The following SMIM38 variants were observed in gnomAD, a reference collection of about 807,000 sequenced individuals.
SMIM38 encodes small integral membrane protein 38.
chr11:69,162,331 CTT>C lies in SMIM38; in HGVS notation c.*4236_*4237del, dbSNP rs1857060823. The C allele has an allele frequency of 6.6e-6, 1 of 152,122 alleles. No homozygotes were observed. Among genetic ancestry groups the C allele is most frequent in the Non-Finnish European group, 1.5e-5 (1 of 68,036 alleles). 9.4% of individuals were successfully genotyped at this position (152,122 alleles called of 1,614,324 possible). A position where few individuals can be genotyped will look rare whatever the true frequency, so the allele number is the denominator to read the frequency against. Reference sequence around the variant, plus strand: ...TAAAATGCGTACTGGCTATTGAAGACTTGGCACAGAAAAATAATGTAAAATCT... The same window carrying C: ...TAAAATGCGTACTGGCTATTGAAGACGGCACAGAAAAATAATGTAAAATCT... On this transcript the variant is annotated 3_prime_UTR_variant, in exon 3 of 3. Transcript: ENST00000686237.
rs542918180 is a variant in SMIM38, at chr11:69,156,121, T to C, written c.-674+7T>C. 3 of 152,314 alleles carry C rather than the reference T, an allele frequency of 2.0e-5. No individual in the cohort carries two copies. The highest frequency in any genetic ancestry group is 4.4e-5 in the Non-Finnish European group (3 of 68,100). 9.4% of individuals were successfully genotyped at this position (152,314 alleles called of 1,614,324 possible). A position where few individuals can be genotyped will look rare whatever the true frequency, so the allele number is the denominator to read the frequency against. The stretch of plus-strand genomic sequence containing the variant: ...AGGCGGTGCCCGGCCCAAGGTGAGT[T>C]GGCATCATGCTCCACTTCCCGTTTG... On this transcript the variant is annotated splice_region_variant and intron_variant, in intron 1 of 2. Coordinates refer to ENST00000686237, the MANE Select transcript of SMIM38 (RefSeq NM_001369201.2).
Position 69,159,506 on chromosome 11 carries a change from A to C in SMIM38, c.*1410A>C, listed in dbSNP as rs1489156407. ...TACAGACACGGGGGTGCTGGTGAGC[A>C]GGAGCCGAGACCATCTGGGGTGGGA... On this transcript the variant is annotated 3_prime_UTR_variant, in exon 3 of 3. Transcript: ENST00000686237. The C allele has an allele frequency of 6.6e-6, 1 of 151,726 alleles. No homozygotes were observed. The highest frequency in any genetic ancestry group is 1.5e-5 in the Non-Finnish European group (1 of 68,058). The allele number at this position is 151,726 out of a possible 1,614,324, so 9.4% of individuals were successfully genotyped here.
At position 69,159,223 on chromosome 11, in the gene SMIM38, A is replaced by T. The variant is rs1022654729; in HGVS notation, c.*1221A>T. The T allele has an allele frequency of 3.9e-5, 6 of 152,136 alleles. No homozygotes were observed. The highest frequency in any genetic ancestry group is 1.4e-4 in the African/African-American group (6 of 41,406). 9.4% of individuals were successfully genotyped at this position (152,136 alleles called of 1,614,324 possible). A position where few individuals can be genotyped will look rare whatever the true frequency, so the allele number is the denominator to read the frequency against. On this transcript the variant is annotated 3_prime_UTR_variant, in exon 2 of 3. Coordinates refer to ENST00000686237, the MANE Select transcript of SMIM38 (RefSeq NM_001369201.2). ...AAAGGACTTGGGGGCGTCCAGCAAG[A>T]GCAGGAGCTTAGATGGTGGTTCCAG...
rs1024359938 is a variant in SMIM38, at chr11:69,161,198, A to G, written c.*3102A>G. The G allele has an allele frequency of 3.9e-5, 6 of 152,234 alleles. No individual in the cohort carries two copies. The highest frequency in any genetic ancestry group is 8.8e-5 in the Non-Finnish European group (6 of 68,030). The allele number at this position is 152,234 out of a possible 1,614,324, so 9.4% of individuals were successfully genotyped here. Reference sequence around the variant, plus strand: ...CCAGATACCCTTAGTTTTCCATCTCATAAGCCAGAATGATGTCACGTGGCA... The same window carrying G: ...CCAGATACCCTTAGTTTTCCATCTCGTAAGCCAGAATGATGTCACGTGGCA... On this transcript the variant is annotated 3_prime_UTR_variant, in exon 3 of 3. Transcript: ENST00000686237.
Position 69,156,645 on chromosome 11 carries a change from A to G in SMIM38, c.-673-529A>G, listed in dbSNP as rs550688428. Among the ~76,000 whole-genome samples the G allele has an allele frequency of 2.0e-4, 30 of 152,200 alleles. No individual in the cohort carries two copies. The East Asian group carries it at 5.2e-3, about 27-fold the overall frequency. Reference sequence around the variant, plus strand: ...GGCAGTCAGAGAAGGCTGGGCAGACACTGTTATTTCAGAAAAGATGTGGAG... The same window carrying G: ...GGCAGTCAGAGAAGGCTGGGCAGACGCTGTTATTTCAGAAAAGATGTGGAG... On this transcript the variant is annotated intron_variant, in intron 1 of 2. Coordinates refer to ENST00000686237, the MANE Select transcript of SMIM38 (RefSeq NM_001369201.2).
At chr11:69,155,621 G>A (rs936026648), upstream of SMIM38, 1 of 152,222 alleles carries the variant, frequency 6.6e-6, no homozygotes, top group African/African-American at 2.4e-5. Context: ...TGAGCTGAGC[G>A]CCTCTGGCCG....
intron 1 of SMIM38, among the ~76,000 whole-genome samples, chr11:69,156,558 G>A (rs1856989198): frequency 1.3e-5 from 2 of 150,964 alleles, no homozygotes; most frequent in Non-Finnish European, 3.0e-5. Flanking sequence ...ACACGTGTGA[G>A]TCTGTGTGCA....
intron 1 of SMIM38, among the ~76,000 whole-genome samples, chr11:69,156,628 G>T (rs564877156): frequency 6.6e-6 from 1 of 152,256 alleles, no homozygotes; most frequent in South Asian, 2.1e-4. Context: ...GTGGCAGTCA[G>T]AGAAGGCTGG....
rs900733213 is a variant in SMIM38 at position 69,159,286 on chromosome 11, G to A, written c.*1284G>A. ...TGACTGGGACGAGTGGACCCCCAGG[G>A]TGGGCATGGAGTGGGGCACTGGCTG... is the stretch of plus-strand genomic sequence containing the variant. On this transcript the variant is annotated 3_prime_UTR_variant, in exon 2 of 3. Coordinates refer to ENST00000686237, the MANE Select transcript of SMIM38 (RefSeq NM_001369201.2). 1 of 152,408 alleles carries A rather than the reference G, an allele frequency of 6.6e-6. No individual in the cohort carries two copies. The highest frequency in any genetic ancestry group is 2.4e-5 in the African/African-American group (1 of 41,448). 9.4% of individuals were successfully genotyped at this position (152,408 alleles called of 1,614,324 possible).
rs149961742 is a variant in SMIM38 at position 69,158,049 on chromosome 11, C to T, written c.*47C>T. The T allele has an allele frequency of 2.1e-3, 836 of 398,710 alleles. 7 individuals are homozygous for T. Among genetic ancestry groups the T allele is most frequent in the African/African-American group, 0.014 (681 of 48,762 alleles). The allele number at this position is 398,710 out of a possible 1,614,324, so 24.7% of individuals were successfully genotyped here. ...CACGCGCCCTGTCCCGAGACTCAGCCGGCCCTTCCAGTGGTGGTGGGAGGG... is the reference window on the plus strand; with the variant it reads ...CACGCGCCCTGTCCCGAGACTCAGCTGGCCCTTCCAGTGGTGGTGGGAGGG... On this transcript the variant is annotated 3_prime_UTR_variant, in exon 2 of 3. Coordinates refer to ENST00000686237, the MANE Select transcript of SMIM38 (RefSeq NM_001369201.2).
At chr11:69,156,920 C>T (rs374225823) in intron 1 of SMIM38, among the ~76,000 whole-genome samples, 4 of 152,208 alleles carry the variant, frequency 2.6e-5, no homozygotes, top group East Asian at 3.9e-4. Flanking sequence ...CAGGCCTGTG[C>T]GCCCCAGCTT....
At position 69,161,256 on chromosome 11, in the gene SMIM38, G is replaced by A. The variant is rs1419078929; in HGVS notation, c.*3160G>A. The A allele has an allele frequency of 6.6e-6, 1 of 152,216 alleles. No homozygotes were observed. The highest frequency in any genetic ancestry group is 1.5e-5 in the Non-Finnish European group (1 of 68,032). The allele number at this position is 152,216 out of a possible 1,614,324, so 9.4% of individuals were successfully genotyped here. ...ATGCACAGGAGGCTGAGAGATAGTG[G>A]CGTTTGTTAGCTGGTCTCCTAGCCA... On this transcript the variant is annotated 3_prime_UTR_variant, in exon 3 of 3. Transcript: ENST00000686237.
chr11:69,160,622 T>G lies in SMIM38; in HGVS notation c.*2526T>G, dbSNP rs1211873716. 1 of 152,276 alleles carries G rather than the reference T, an allele frequency of 6.6e-6. No homozygotes were observed. The highest frequency in any genetic ancestry group is 1.5e-5 in the Non-Finnish European group (1 of 68,082). 9.4% of individuals were successfully genotyped at this position (152,276 alleles called of 1,614,324 possible). A position where few individuals can be genotyped will look rare whatever the true frequency, so the allele number is the denominator to read the frequency against. On this transcript the variant is annotated 3_prime_UTR_variant, in exon 3 of 3. Coordinates refer to ENST00000686237, the MANE Select transcript of SMIM38 (RefSeq NM_001369201.2). ...CCTGGAAAAATGGTGGAAGGGAAGA[T>G]TCTGCCAACCTCCTCCGACTCCCTA...
At position 69,159,195 on chromosome 11, in the gene SMIM38, C is replaced by T. The variant is rs1425789998; in HGVS notation, c.*1193C>T. ...GCAGAGGGGGTGATTCCTGTGAATT[C>T]TGAAAGGACTTGGGGGCGTCCAGCA... On this transcript the variant is annotated 3_prime_UTR_variant, in exon 2 of 3. Transcript: ENST00000686237. 1 of 152,170 alleles carries T rather than the reference C, an allele frequency of 6.6e-6. No individual in the cohort carries two copies. Among genetic ancestry groups the T allele is most frequent in the Admixed American group, 6.5e-5 (1 of 15,284 alleles). The allele number at this position is 152,170 out of a possible 1,614,324, so 9.4% of individuals were successfully genotyped here.
In SMIM38 at chr11:69,158,028, C is replaced by A; in HGVS notation, c.*26C>A. ...GCCTCTGCAGGCTGCGGCCTCCACGCGCCCTGTCCCGAGACTCAGCCGGCC... is the reference window on the plus strand; with the variant it reads ...GCCTCTGCAGGCTGCGGCCTCCACGAGCCCTGTCCCGAGACTCAGCCGGCC... On this transcript the variant is annotated 3_prime_UTR_variant, in exon 2 of 3. Transcript: ENST00000686237. 2.5e-6 allele frequency: 1 copy of A among 398,820 alleles called. No homozygotes were observed. The highest frequency in any genetic ancestry group is 4.4e-6 in the Non-Finnish European group (1 of 226,256). The allele number at this position is 398,820 out of a possible 1,614,324, so 24.7% of individuals were successfully genotyped here.
At position 69,157,682 on chromosome 11, in the gene SMIM38, C is replaced by T. The variant is rs886089357; in HGVS notation, c.-165C>T. ...CTTGGTGGCACCAGAGAGAACAGGG[C>T]GGTCCCTTGGGGGCGCCGGCTGCAG... On this transcript the variant is annotated 5_prime_UTR_variant, in exon 2 of 3. Coordinates refer to ENST00000686237, the MANE Select transcript of SMIM38 (RefSeq NM_001369201.2). 11 of 396,060 alleles carry T rather than the reference C, an allele frequency of 2.8e-5. No individual in the cohort carries two copies. Among genetic ancestry groups the T allele is most frequent in the East Asian group, 1.1e-4 (3 of 27,988 alleles). The allele number at this position is 396,060 out of a possible 1,614,324, so 24.5% of individuals were successfully genotyped here.
At position 69,158,045 on chromosome 11, in the gene SMIM38, C is replaced by G. The variant is rs1030567125; in HGVS notation, c.*43C>G. Reference sequence around the variant, plus strand: ...CCTCCACGCGCCCTGTCCCGAGACTCAGCCGGCCCTTCCAGTGGTGGTGGG... The same window carrying G: ...CCTCCACGCGCCCTGTCCCGAGACTGAGCCGGCCCTTCCAGTGGTGGTGGG... On this transcript the variant is annotated 3_prime_UTR_variant, in exon 2 of 3. Transcript: ENST00000686237. 1 of 398,670 alleles carries G rather than the reference C, an allele frequency of 2.5e-6. No homozygotes were observed. Among genetic ancestry groups the G allele is most frequent in the African/African-American group, 2.1e-5 (1 of 48,634 alleles). The allele number at this position is 398,670 out of a possible 1,614,324, so 24.7% of individuals were successfully genotyped here.
intron 1 of SMIM38, among the ~76,000 whole-genome samples, 162 bp from the exon 2 acceptor site, chr11:69,157,012 T>TC (rs954290887): frequency 1.1e-4 from 17 of 152,296 alleles, no homozygotes; most frequent in South Asian, 2.1e-4. Flanking sequence ...GGTCCACCGG[T>TC]CCCCTTCCTG....
At chr11:69,156,574 A>G (rs766642903) in intron 1 of SMIM38, among the ~76,000 whole-genome samples, 16 of 136,640 alleles carry the variant, frequency 1.2e-4, no homozygotes, top group Non-Finnish European at 1.7e-4. Context: ...GTGCACACAC[A>G]TGTATACATG....
Sources: gnomAD v4.1 joint callset for allele counts (sites outside exome capture counted in the v4.1 genomes callset) on GRCh38, gnomAD v4.1.1 for gene constraint, MANE v1.5 for transcripts, NCBI Gene and HGNC (gene_info 2026-07-23, HGNC 2026-07-21) for gene names.